RUNDC3B: variants seen among roughly 807,000 people sequenced by gnomAD.
RUNDC3B encodes the protein RUN domain containing 3B.
RUNDC3B carries 33 observed loss-of-function variants against 58.4 expected under a neutral mutation model. The observed-to-expected ratio is 0.56, with a 90% CI of 0.43 to 0.75. The LOEUF (loss-of-function observed/expected upper bound fraction) is 0.75, where lower values mean the gene tolerates loss of function less well. RUNDC3B is among the 30% of genes least tolerant of loss of function. RUNDC3B has a pLI of 0.00. For synonymous variants in RUNDC3B, 193 were observed against 195.2 expected (o/e 0.99, Z 0.10); for missense variants, 501 against 535.7 (o/e 0.94, Z 0.64).
intron 6 of RUNDC3B, among the ~76,000 whole-genome samples, chr7:87,747,296 G>A (rs867687497): frequency 6.6e-6 from 1 of 152,178 alleles, no homozygotes; most frequent in Non-Finnish European, 1.5e-5. Flanking sequence ...TCTACTGGGG[G>A]GGTGTGTGCA....
rs764107460 is a variant in RUNDC3B at position 87,628,976 on chromosome 7, C to G, written c.122+31C>G. 1.4e-5 allele frequency: 18 copies of G among 1,305,880 alleles called. No individual in the cohort carries two copies. The African/African-American group carries it at 2.4e-4, about 17-fold the overall frequency. The allele number at this position is 1,305,880 out of a possible 1,614,324, so 80.9% of individuals were successfully genotyped here. A position where few individuals can be genotyped will look rare whatever the true frequency, so the allele number is the denominator to read the frequency against. ...GCAGCGCAGGGCGAGGGGAACCAGC[C>G]TCCCGCCGGGGCTGAGAGCTCTGGG... is the stretch of plus-strand genomic sequence containing the variant. On this transcript the variant is annotated intron_variant, in intron 1 of 10. Transcript: ENST00000394654.
At chr7:87,769,166 A>ATTTT (rs77945268) in intron 6 of RUNDC3B, among the ~76,000 whole-genome samples, 1 of 135,090 alleles carries the variant, frequency 7.4e-6, no homozygotes, top group Non-Finnish European at 1.6e-5. Flanking sequence ...ACGCCCAGCT[A>ATTTT]TTTTTTTTTT....
chr7:87,692,252 AC>A (rs1248738163), intron 2 of RUNDC3B, among the ~76,000 whole-genome samples: 1 of 152,082 alleles, frequency 6.6e-6, no homozygotes, highest in Non-Finnish European at 1.5e-5. Context: ...GGAGTTTGAG[AC>A]CAGCCTGAGC....
intron 9 of RUNDC3B, among the ~76,000 whole-genome samples, chr7:87,807,974 TTTC>T (rs1374849689): frequency 6.6e-6 from 1 of 152,160 alleles, no homozygotes; most frequent in Non-Finnish European, 1.5e-5. Flanking sequence ...ACAAGATCTT[TTTC>T]TTATTTCTTT....
chr7:87,647,553 T>G (rs1295636329), intron 1 of RUNDC3B, among the ~76,000 whole-genome samples: 1 of 152,232 alleles, frequency 6.6e-6, no homozygotes, highest in Non-Finnish European at 1.5e-5. Context: ...GTAATGAATT[T>G]ATTTTGTTTA....
intron 4 of RUNDC3B, among the ~76,000 whole-genome samples, chr7:87,722,073 T>A (rs1830935169): frequency 6.6e-6 from 1 of 152,004 alleles, no homozygotes; most frequent in African/African-American, 2.4e-5. Flanking sequence ...CTTCTGCCTG[T>A]CTTTCCTTTA....
At chr7:87,777,334 T>C (rs1834691976) in intron 7 of RUNDC3B, among the ~76,000 whole-genome samples, 1 of 152,190 alleles carries the variant, frequency 6.6e-6, no homozygotes, top group African/African-American at 2.4e-5. Context: ...CAAGGACACA[T>C]AGCTGATAAG....
At chr7:87,804,803 T>G (rs1836354319) in intron 8 of RUNDC3B, among the ~76,000 whole-genome samples, 1 of 152,224 alleles carries the variant, frequency 6.6e-6, no homozygotes, top group Non-Finnish European at 1.5e-5. Flanking sequence ...TTATCACTGA[T>G]TTAATACCAT....
At chr7:87,783,305 C>T (rs946230602) in intron 8 of RUNDC3B, among the ~76,000 whole-genome samples, 3 of 151,974 alleles carry the variant, frequency 2.0e-5, no homozygotes, top group African/African-American at 7.2e-5. Context: ...TATGCTTTAT[C>T]CGATATAAGA....
chr7:87,800,965 A>G (rs573185162), intron 8 of RUNDC3B, among the ~76,000 whole-genome samples: 3 of 152,116 alleles, frequency 2.0e-5, no homozygotes, highest in Non-Finnish European at 4.4e-5. Context: ...TGTACACCTT[A>G]TACACATAAG....
At chr7:87,681,116 A>G (rs1227562019) in intron 2 of RUNDC3B, among the ~76,000 whole-genome samples, 5 of 150,612 alleles carry the variant, frequency 3.3e-5, no homozygotes, top group Admixed American at 6.6e-5. Flanking sequence ...CTTGAAAGAC[A>G]AATCCTAACA....
Position 87,764,744 on chromosome 7 carries a change from C to G in RUNDC3B, c.630-5837C>G, listed in dbSNP as rs577552612. Among the ~76,000 whole-genome samples, 12 of 151,950 alleles carry G rather than the reference C, an allele frequency of 7.9e-5. No homozygotes were observed. The South Asian group carries it at 2.5e-3, about 31-fold the overall frequency. ...CAATTAATTTCATTCTTCTTTATGG[C>G]TAAATGGTATTCCACCATGTATATA... On this transcript the variant is annotated intron_variant, in intron 6 of 10. Coordinates refer to ENST00000394654, the MANE Select transcript of RUNDC3B (RefSeq NM_001134405.2).
intron 4 of RUNDC3B, among the ~76,000 whole-genome samples, chr7:87,720,166 G>C (rs1830790302): frequency 6.6e-6 from 1 of 151,978 alleles, no homozygotes; most frequent in Non-Finnish European, 1.5e-5. Context: ...AGAAACATAA[G>C]GGCAGAGATG....
At chr7:87,747,997 AGGCTTCTCACCTC>A (rs1434961771) in intron 6 of RUNDC3B, among the ~76,000 whole-genome samples, 1 of 152,110 alleles carries the variant, frequency 6.6e-6, no homozygotes, top group Non-Finnish European at 1.5e-5. Context: ...TCTGGCCAGG[AGGCTTCTCACCTC>A]GTTCAAATTT....
chr7:87,753,844 G>A (rs537998062), intron 6 of RUNDC3B, among the ~76,000 whole-genome samples: 4 of 152,278 alleles, frequency 2.6e-5, no homozygotes, highest in African/African-American at 9.6e-5. Context: ...AGAGGAGCCA[G>A]AGTGATCCTT....
At chr7:87,670,762 AAGCCTTGGGGTGTGATCC>A (rs1825746447) in intron 2 of RUNDC3B, among the ~76,000 whole-genome samples, 1 of 152,088 alleles carries the variant, frequency 6.6e-6, no homozygotes, top group Non-Finnish European at 1.5e-5. Flanking sequence ...TTTGATGTTA[AAGCCTTGGGGTGTGATCC>A]AGCAGGTGGC....
chr7:87,704,506 G>A (rs1480343097), intron 3 of RUNDC3B, among the ~76,000 whole-genome samples: 1 of 152,188 alleles, frequency 6.6e-6, no homozygotes, highest in African/African-American at 2.4e-5. Flanking sequence ...TAGAAATGTA[G>A]CATTTGGACC....
chr7:87,669,117 C>T (rs1225667554), intron 2 of RUNDC3B, among the ~76,000 whole-genome samples: 2 of 151,984 alleles, frequency 1.3e-5, no homozygotes, highest in African/African-American at 4.8e-5. Context: ...GTTTGTGCCT[C>T]TTTGTAGGTC....
chr7:87,680,064 C>T (rs1376442259), intron 2 of RUNDC3B, among the ~76,000 whole-genome samples: 1 of 150,366 alleles, frequency 6.7e-6, no homozygotes, highest in Admixed American at 6.6e-5. Context: ...ATATGACGTT[C>T]CCCACCCTGT....
Sources: gnomAD v4.1 joint callset for allele counts (sites outside exome capture counted in the v4.1 genomes callset) on GRCh38, gnomAD v4.1.1 for gene constraint, MANE v1.5 for transcripts, NCBI Gene and HGNC (gene_info 2026-07-23, HGNC 2026-07-21) for gene names.